The following GABRB3 variants were observed in gnomAD, a reference collection of about 807,000 sequenced individuals.
GABRB3 encodes the protein gamma-aminobutyric acid type A receptor subunit beta3.
Under a neutral mutation model 52.1 loss-of-function variants are expected in GABRB3, and 14 were observed. That is an observed-to-expected ratio of 0.27 (90% CI 0.18 to 0.42). The LOEUF is 0.42. Among genes scored for constraint, GABRB3 ranks in the 10% least tolerant of loss-of-function variants. GABRB3 has a pLI of 1.00. For missense variants in GABRB3, 307 were observed against 609.1 expected, an observed-to-expected ratio of 0.50 and a Z score of 5.22; for synonymous variants, 260 against 232.3, an observed-to-expected ratio of 1.12 and a Z score of -1.08.
At chr15:26,616,960 A>T (rs34886387) in intron 4 of GABRB3, among the ~76,000 whole-genome samples, 53,143 of 151,972 alleles carry the variant, frequency 0.35, 10,216 homozygotes, top group Middle Eastern at 0.47. Flanking sequence ...TTCTGTTAAA[A>T]AAAAAAACAA....
At chr15:26,711,186 CA>C (rs1889282374) in intron 3 of GABRB3, among the ~76,000 whole-genome samples, 1 of 152,192 alleles carries the variant, frequency 6.6e-6, no homozygotes, top group African/African-American at 2.4e-5. Flanking sequence ...GAAAGGCCAG[CA>C]AAATATATCA....
chr15:26,590,919 G>A (rs897215763), intron 4 of GABRB3, among the ~76,000 whole-genome samples: 3 of 152,180 alleles, frequency 2.0e-5, no homozygotes, highest in East Asian at 1.9e-4. Context: ...AAGTGACCAC[G>A]TGCCAGCCCC....
At chr15:26,548,195 C>T (rs1239479664) in intron 8 of GABRB3, 61 bp from the exon 9 acceptor site, 1 of 1,312,852 alleles carries the variant, frequency 7.6e-7, no homozygotes, top group African/African-American at 1.4e-5. Flanking sequence ...CTATGCAGAT[C>T]CCGGACAGAA....
chr15:26,689,358 C>T (rs950802204), intron 3 of GABRB3, among the ~76,000 whole-genome samples: 1 of 152,140 alleles, frequency 6.6e-6, no homozygotes, highest in Non-Finnish European at 1.5e-5. Flanking sequence ...TCACAGCCTG[C>T]ATGGCCATTC....
At chr15:26,760,557 A>C (rs2140182643) in intron 3 of GABRB3, among the ~76,000 whole-genome samples, 1 of 152,324 alleles carries the variant, frequency 6.6e-6, no homozygotes, top group South Asian at 2.1e-4. Flanking sequence ...ATAGAGTAAA[A>C]TCTTAAGCCT....
intron 8 of GABRB3, among the ~76,000 whole-genome samples, chr15:26,550,378 C>T (rs914611193): frequency 2.8e-4 from 42 of 152,140 alleles, no homozygotes; most frequent in African/African-American, 9.7e-4. Context: ...AAAAGGCCAA[C>T]AGGCACTTGA....
chr15:26,629,190 C>A (rs533057873), intron 3 of GABRB3: 1 of 1,458,312 alleles, frequency 6.9e-7, no homozygotes, highest in East Asian at 2.5e-5. Context: ...AGACGGAGGG[C>A]TTTGCGAAGC....
chr15:26,600,073 T>C (rs1891533566), intron 4 of GABRB3, among the ~76,000 whole-genome samples: 1 of 151,926 alleles, frequency 6.6e-6, no homozygotes, highest in African/African-American at 2.4e-5. Context: ...ATCTGTAAGA[T>C]AAAGACTACA....
At chr15:26,571,699 A>T (rs1440641725) in intron 6 of GABRB3, among the ~76,000 whole-genome samples, 1 of 152,182 alleles carries the variant, frequency 6.6e-6, no homozygotes, top group Non-Finnish European at 1.5e-5. Flanking sequence ...ACTCTCTGGA[A>T]ATTCGCCAAG....
chr15:26,573,839 C>CGGG (rs1890499282), intron 6 of GABRB3, among the ~76,000 whole-genome samples: 2 of 152,052 alleles, frequency 1.3e-5, no homozygotes, highest in Admixed American at 1.3e-4. Context: ...TGCTTGAACC[C>CGGG]AGGAGTTCAA....
chr15:26,705,405 A>C (rs1366226201), intron 3 of GABRB3, among the ~76,000 whole-genome samples: 2 of 152,208 alleles, frequency 1.3e-5, no homozygotes, highest in African/African-American at 4.8e-5. Flanking sequence ...GCAACATCGT[A>C]TTGGGGGTTA....
At chr15:26,754,078 GA>G (rs1470561901) in intron 3 of GABRB3, among the ~76,000 whole-genome samples, 1 of 152,156 alleles carries the variant, frequency 6.6e-6, no homozygotes, top group Non-Finnish European at 1.5e-5. Context: ...GCAACTTTTG[GA>G]AGGCTGGAAA....
intron 3 of GABRB3, among the ~76,000 whole-genome samples, chr15:26,731,378 T>G (rs1229299703): frequency 6.6e-6 from 1 of 152,202 alleles, no homozygotes; most frequent in Non-Finnish European, 1.5e-5. Context: ...CAGAATCATA[T>G]CCTTGTTGAA....
chr15:26,604,477 G>A (rs1409380919), intron 4 of GABRB3, among the ~76,000 whole-genome samples: 1 of 151,970 alleles, frequency 6.6e-6, no homozygotes, highest in Non-Finnish European at 1.5e-5. Context: ...TAAGCAAAAG[G>A]AACAAAATTG....
intron 3 of GABRB3, among the ~76,000 whole-genome samples, chr15:26,700,506 T>C (rs1774171857): frequency 1.3e-5 from 2 of 152,220 alleles, no homozygotes; most frequent in African/African-American, 4.8e-5. Flanking sequence ...GAATCACAAG[T>C]AAATTTCAAG....
chr15:26,735,955 C>CAAAA (rs34968150), intron 3 of GABRB3, among the ~76,000 whole-genome samples: 5 of 72,284 alleles, frequency 6.9e-5, no homozygotes, highest in African/African-American at 2.0e-4. Flanking sequence ...ACCTTGTCTT[C>CAAAA]AAAAAAAAAA....
chr15:26,670,795 C>T (rs2079647442), intron 3 of GABRB3, among the ~76,000 whole-genome samples: 1 of 152,302 alleles, frequency 6.6e-6, no homozygotes, highest in Non-Finnish European at 1.5e-5. Context: ...TTTCCTATGC[C>T]TCTTTCTTTC....
At chr15:26,562,614 G>T (rs573325110) in intron 7 of GABRB3, among the ~76,000 whole-genome samples, 78 of 152,324 alleles carry the variant, frequency 5.1e-4, no homozygotes, top group African/African-American at 1.8e-3. Context: ...AATTTACTAA[G>T]CATTCCAATT....
chr15:26,761,917 C>T (rs1430734556), intron 3 of GABRB3, among the ~76,000 whole-genome samples: 1 of 152,174 alleles, frequency 6.6e-6, no homozygotes, highest in African/African-American at 2.4e-5. Flanking sequence ...TCACTGCAGC[C>T]TCTGCCTCCC....
Sources: gnomAD v4.1 joint callset for allele counts (sites outside exome capture counted in the v4.1 genomes callset) on GRCh38, gnomAD v4.1.1 for gene constraint, MANE v1.5 for transcripts, NCBI Gene and HGNC (gene_info 2026-07-23, HGNC 2026-07-21) for gene names.